BRI3: variants seen among roughly 807,000 people sequenced by gnomAD.
BRI3 encodes the protein membrane protein BRI3.
A neutral mutation model predicts 12.8 loss-of-function variants in BRI3; 6 were observed. The observed-to-expected ratio is 0.47, with a 90% CI of 0.26 to 0.93. The LOEUF (loss-of-function observed/expected upper bound fraction) is 0.93, where lower values mean the gene tolerates loss of function less well. Ranked by LOEUF, BRI3 falls within the 40% of genes least tolerant of loss-of-function variation. BRI3 has a pLI of 0.15. For missense variants in BRI3, 134 were observed against 171.1 expected (o/e 0.78, Z 1.21); for synonymous variants, 91 against 76.1 (o/e 1.20, Z -1.02).
At chr7:98,296,502 G>C (rs900127320), downstream of BRI3, among the ~76,000 whole-genome samples, 3 of 152,160 alleles carry the variant, frequency 2.0e-5, no homozygotes, top group African/African-American at 7.2e-5. Flanking sequence ...GCGCACGCCG[G>C]TAATCCCAGC....
chr7:98,281,707 TCCGCCGCGTCCCCG>T lies in BRI3; in HGVS notation c.-81_-68del, dbSNP rs1799519168. 1.9e-6 allele frequency: 1 copy of T among 538,914 alleles called. No individual in the cohort carries two copies. Among genetic ancestry groups the T allele is most frequent in the Admixed American group, 6.7e-5 (1 of 15,024 alleles). The allele number at this position is 538,914 out of a possible 1,614,324, so 33.4% of individuals were successfully genotyped here. ...CCTCAGAGGGGCCCGAGCCACCCGGTCCGCCGCGTCCCCGCCGCCGCCGCCGCGTCCCCCGCCGG... is the reference window on the plus strand; with the variant it reads ...CCTCAGAGGGGCCCGAGCCACCCGGTCCGCCGCCGCCGCGTCCCCCGCCGG... On this transcript the variant is annotated 5_prime_UTR_variant, in exon 1 of 3. Transcript: ENST00000297290.
chr7:98,299,320 G>T (rs1214248223), intron 1 of BRI3, among the ~76,000 whole-genome samples: 3 of 151,732 alleles, frequency 2.0e-5, no homozygotes, highest in Non-Finnish European at 1.5e-5. Context: ...CGCCTGACTG[G>T]TTTTTTAGTT....
chr7:98,282,461 G>C lies in BRI3; in HGVS notation c.245+8G>C, dbSNP rs369099577. 2.2e-5 allele frequency: 36 copies of C among 1,609,498 alleles called. No homozygotes were observed. Among genetic ancestry groups the C allele is most frequent in the Admixed American group, 3.3e-5 (2 of 59,976 alleles). ...AGGCTGTCCTGTCTGCAGGTGAGTG[G>C]GTCTGCAGCCTGGGGACTGGCCCTG... On this transcript the variant is annotated splice_region_variant and intron_variant, in intron 2 of 2. Transcript: ENST00000297290.
downstream of BRI3, chr7:98,310,621 T>G: frequency 6.5e-7 from 1 of 1,530,778 alleles, no homozygotes; most frequent in Non-Finnish European, 8.8e-7. Context: ...TAGTCCAATA[T>G]TAGTATAGTG....
chr7:98,321,966 C>T, the BRI3 span, among the ~76,000 whole-genome samples: 7 of 152,184 alleles, frequency 4.6e-5, no homozygotes, highest in Admixed American at 2.6e-4. Context: ...CATGATGGCA[C>T]GTGCCTGTAA....
At chr7:98,320,205 G>T in the BRI3 span, 1 of 1,589,494 alleles carries the variant, frequency 6.3e-7, no homozygotes, top group South Asian at 1.1e-5. Context: ...TGAAATGAGT[G>T]TATTTTGTAA....
downstream of BRI3, among the ~76,000 whole-genome samples, chr7:98,295,554 G>A: frequency 6.6e-6 from 1 of 152,124 alleles, no homozygotes; most frequent in Non-Finnish European, 1.5e-5. Flanking sequence ...ATGTGCTCAC[G>A]GTGCTGGCAT....
downstream of BRI3, chr7:98,293,420 T>G (rs1290283754): frequency 1.8e-6 from 2 of 1,098,692 alleles, no homozygotes; most frequent in African/African-American, 3.0e-5. Context: ...GTTAGGCCTC[T>G]CCACTGAAGC....
intron 2 of BRI3, among the ~76,000 whole-genome samples, chr7:98,290,811 A>C (rs1434995902): frequency 1.3e-5 from 2 of 152,230 alleles, no homozygotes; most frequent in African/African-American, 4.8e-5. Flanking sequence ...TTGCCTTTCA[A>C]GGTTAACTGA....
chr7:98,302,063 G>A (rs965967919), upstream of BRI3, among the ~76,000 whole-genome samples: 1 of 152,158 alleles, frequency 6.6e-6, no homozygotes, highest in Non-Finnish European at 1.5e-5. Context: ...CTGACAGAAT[G>A]TCATGATCCA....
downstream of BRI3, chr7:98,293,595 C>T (rs748855987): frequency 9.0e-5 from 145 of 1,613,338 alleles, no homozygotes; most frequent in Non-Finnish European, 1.1e-4. Context: ...GGGTTTTCTC[C>T]GCTGCAGGGG....
In BRI3 at chr7:98,310,410, A is replaced by T. The variant is rs751138329; in HGVS notation, n.3040A>T. 14 of 1,557,474 alleles carry T rather than the reference A, an allele frequency of 9.0e-6. No homozygotes were observed. The Middle Eastern group carries it at 5.0e-4, about 56-fold the overall frequency. ...CAGCTTATCTTAAAACAAATGTAAAAGGTATCTTCAAATAAATCAGACTGA... is the reference window on the plus strand; with the variant it reads ...CAGCTTATCTTAAAACAAATGTAAATGGTATCTTCAAATAAATCAGACTGA... On this transcript the variant is annotated non_coding_transcript_exon_variant, in exon 2 of 2. Coordinates refer to the BRI3 transcript ENST00000485422.
At chr7:98,319,132 G>A in the BRI3 span, among the ~76,000 whole-genome samples, 7 of 152,128 alleles carry the variant, frequency 4.6e-5, no homozygotes, top group African/African-American at 1.7e-4. Flanking sequence ...GATGATTCCA[G>A]GGCAACTCGC....
chr7:98,284,593 C>T (rs1799650139), intron 2 of BRI3, among the ~76,000 whole-genome samples: 1 of 152,222 alleles, frequency 6.6e-6, no homozygotes, highest in South Asian at 2.1e-4. Flanking sequence ...TCCTCCTGCC[C>T]CAGGTCCAGC....
At chr7:98,317,711 C>G in the BRI3 span, among the ~76,000 whole-genome samples, 1 of 150,830 alleles carries the variant, frequency 6.6e-6, no homozygotes, top group Non-Finnish European at 1.5e-5. Flanking sequence ...GGACCATCAC[C>G]CCGCAGTTCA....
chr7:98,311,018 G>A (rs1800849421), downstream of BRI3, among the ~76,000 whole-genome samples: 1 of 152,090 alleles, frequency 6.6e-6, no homozygotes, highest in South Asian at 2.1e-4. Context: ...GGCAGAAAGA[G>A]TGGATCCATG....
chr7:98,313,734 T>C (rs1344682722), downstream of BRI3, among the ~76,000 whole-genome samples: 1 of 151,466 alleles, frequency 6.6e-6, no homozygotes, highest in Non-Finnish European at 1.5e-5. Flanking sequence ...TCCTTCCACC[T>C]CAGCCTCCTG....
downstream of BRI3, among the ~76,000 whole-genome samples, chr7:98,297,518 C>T (rs1800241529): frequency 1.3e-5 from 2 of 152,212 alleles, no homozygotes; most frequent in African/African-American, 2.4e-5. Context: ...GGAACATTTC[C>T]AAGCCAGCTG....
At chr7:98,298,408 C>T (rs1170824167) in intron 1 of BRI3, among the ~76,000 whole-genome samples, 1 of 152,166 alleles carries the variant, frequency 6.6e-6, no homozygotes, top group Non-Finnish European at 1.5e-5. Context: ...GTCAGGAGAT[C>T]GAGATCATCC....
Sources: gnomAD v4.1 joint callset for allele counts (sites outside exome capture counted in the v4.1 genomes callset) on GRCh38, gnomAD v4.1.1 for gene constraint, MANE v1.5 for transcripts, NCBI Gene and HGNC (gene_info 2026-07-23, HGNC 2026-07-21) for gene names.